Variants in STPG2 observed in about 807,000 individuals in gnomAD.
STPG2 encodes the protein sperm-tail PG-rich repeat-containing protein 2.
In STPG2, 56 loss-of-function variants were observed where a neutral mutation model predicts 54.2. The observed-to-expected ratio is 1.03, with a 90% CI of 0.83 to 1.29. The LOEUF is 1.29. Among genes scored for constraint, STPG2 ranks in the 50% most tolerant of loss-of-function variants. STPG2 has a pLI of 0.00. For missense variants in STPG2, 596 were observed against 544.9 expected (o/e 1.09, Z -0.93); for synonymous variants, 200 against 181.8 (o/e 1.10, Z -0.81).
In STPG2 at chr4:97,502,735, C is replaced by CAA. The variant is rs200962032; in HGVS notation, c.462+209962_462+209963dup. On this transcript the variant is annotated intron_variant, in intron 4 of 4. Coordinates refer to the STPG2 transcript ENST00000522676. ...AGGCAGTCTTTAATATAAACCCTGA[C>CAA]AAAAAAAATAATAGGAACAGACTGG... Among the ~76,000 whole-genome samples, 5 of 150,548 alleles carry CAA rather than the reference C, an allele frequency of 3.3e-5. No homozygotes were observed. In the South Asian group the frequency reaches 6.3e-4, roughly 19 times the overall value.
intron 5 of STPG2, among the ~76,000 whole-genome samples, chr4:98,100,169 T>C (rs1399768631): frequency 6.6e-6 from 1 of 152,132 alleles, no homozygotes; most frequent in African/African-American, 2.4e-5. Flanking sequence ...AAGAATTATT[T>C]CTCTACATTC....
intron 8 of STPG2, among the ~76,000 whole-genome samples, chr4:97,927,004 T>C (rs187569584): frequency 1.5e-3 from 233 of 152,214 alleles, no homozygotes; most frequent in African/African-American, 5.5e-3. Context: ...CCTTACTTAA[T>C]AGTTAAGGAA....
At chr4:97,993,803 T>C (rs536402697) in intron 5 of STPG2, among the ~76,000 whole-genome samples, 1 of 152,184 alleles carries the variant, frequency 6.6e-6, no homozygotes, top group Admixed American at 6.5e-5. Flanking sequence ...TTCTTCCTGG[T>C]TTAATCTAAA....
chr4:97,522,690 C>T (rs527704669), intron 4 of STPG2, among the ~76,000 whole-genome samples: 1 of 152,004 alleles, frequency 6.6e-6, no homozygotes, highest in East Asian at 1.9e-4. Context: ...CTGATTTAAG[C>T]AGACACACAG....
At chr4:97,532,975 C>T (rs1037838838) in intron 4 of STPG2, among the ~76,000 whole-genome samples, 23 of 152,078 alleles carry the variant, frequency 1.5e-4, no homozygotes, top group East Asian at 3.9e-4. Flanking sequence ...CTCTGCCTCC[C>T]GGGTTCATGC....
chr4:97,565,844 C>CA (rs571391313), intron 10 of STPG2, among the ~76,000 whole-genome samples: 1 of 114,326 alleles, frequency 8.7e-6, no homozygotes, highest in Non-Finnish European at 2.1e-5. Flanking sequence ...TCTGCCGCTA[C>CA]TGGGGGGTGC....
chr4:97,886,619 G>C (rs1425673495), intron 8 of STPG2, among the ~76,000 whole-genome samples: 1 of 152,160 alleles, frequency 6.6e-6, no homozygotes, highest in Non-Finnish European at 1.5e-5. Context: ...TTAAGGAAAA[G>C]ACTATGCCTT....
Position 98,081,115 on chromosome 4 carries a change from C to G in STPG2, c.612+24838G>C, listed in dbSNP as rs537675460. On this transcript the variant is annotated intron_variant, in intron 5 of 10. Coordinates refer to ENST00000295268, the MANE Select transcript of STPG2 (RefSeq NM_174952.3). ...TTGCAAAACTTCCAGATAAGAGAAT[C>G]AACTGAAATGAAAGGTATTCTGTGA... Among the ~76,000 whole-genome samples the G allele has an allele frequency of 8.5e-5, 13 of 152,272 alleles. No individual in the cohort carries two copies. The South Asian group carries it at 2.3e-3, about 27-fold the overall frequency.
intron 9 of STPG2, among the ~76,000 whole-genome samples, chr4:97,820,961 C>A (rs910269412): frequency 6.6e-6 from 1 of 152,050 alleles, no homozygotes; most frequent in Admixed American, 6.6e-5. Flanking sequence ...GCCCTCTGCC[C>A]CCCAAATCTC....
At chr4:97,479,207 A>G (rs1415807330) in intron 4 of STPG2, among the ~76,000 whole-genome samples, 1 of 151,942 alleles carries the variant, frequency 6.6e-6, no homozygotes, top group East Asian at 1.9e-4. Context: ...CAAAATACTT[A>G]CAATAAATAA....
intron 10 of STPG2, among the ~76,000 whole-genome samples, chr4:97,692,090 A>AG (rs1030720748): frequency 9.9e-5 from 15 of 152,168 alleles, no homozygotes; most frequent in African/African-American, 3.4e-4. Flanking sequence ...AGAAGGAACC[A>AG]GAAAAACAAC....
intron 9 of STPG2, among the ~76,000 whole-genome samples, chr4:97,832,100 C>A (rs542923775): frequency 6.6e-6 from 1 of 152,258 alleles, no homozygotes; most frequent in African/African-American, 2.4e-5. Context: ...CCCTGATAAA[C>A]ATTGATGCAA....
intron 8 of STPG2, among the ~76,000 whole-genome samples, chr4:97,919,390 T>C (rs1267721176): frequency 1.3e-5 from 2 of 151,522 alleles, no homozygotes; most frequent in Non-Finnish European, 2.9e-5. Flanking sequence ...TCAAAAGTTT[T>C]TCTTTAAAAA....
chr4:97,872,136 ATACT>A (rs549991783), intron 8 of STPG2, among the ~76,000 whole-genome samples: 20 of 151,224 alleles, frequency 1.3e-4, no homozygotes, highest in African/African-American at 4.8e-4. Flanking sequence ...GAATAATAAA[ATACT>A]TTATTGATAA....
At chr4:98,036,331 A>T (rs1337800035) in intron 5 of STPG2, among the ~76,000 whole-genome samples, 1 of 152,114 alleles carries the variant, frequency 6.6e-6, no homozygotes, top group Non-Finnish European at 1.5e-5. Context: ...AATATAAATT[A>T]TTCTATTATA....
chr4:97,991,459 G>GTA (rs60388529), intron 5 of STPG2, among the ~76,000 whole-genome samples: 5 of 146,650 alleles, frequency 3.4e-5, no homozygotes, highest in South Asian at 2.2e-4. Flanking sequence ...GTGTGTGTGT[G>GTA]TATATATATA....
intron 9 of STPG2, among the ~76,000 whole-genome samples, chr4:97,800,399 C>T (rs186180321): frequency 1.4e-4 from 21 of 152,330 alleles, no homozygotes; most frequent in South Asian, 4.1e-4. Context: ...TTCCTTCTAA[C>T]GGTCAGGGCC....
intron 10 of STPG2, among the ~76,000 whole-genome samples, chr4:97,561,933 T>G (rs912104788): frequency 5.9e-5 from 9 of 152,186 alleles, no homozygotes; most frequent in Non-Finnish European, 8.8e-5. Flanking sequence ...GGCTCTTTTT[T>G]GGTTCCATAT....
At chr4:98,092,695 T>G (rs1353903806) in intron 5 of STPG2, among the ~76,000 whole-genome samples, 1 of 152,096 alleles carries the variant, frequency 6.6e-6, no homozygotes, top group Non-Finnish European at 1.5e-5. Flanking sequence ...AATTATTTTA[T>G]GTAACCTAAA....
Sources: allele counts gnomAD v4.1 joint callset (sites outside exome capture counted in the v4.1 genomes callset), GRCh38; gene constraint gnomAD v4.1.1; transcripts MANE v1.5; gene names NCBI Gene and HGNC (gene_info 2026-07-23, HGNC 2026-07-21).